Variants in HHAT observed in about 807,000 individuals in gnomAD.
HHAT encodes hedgehog acyltransferase, also known as protein-cysteine N-palmitoyltransferase HHAT.
Under a neutral mutation model 70.8 loss-of-function variants are expected in HHAT, and 47 were observed. That is an observed-to-expected ratio of 0.66 (90% CI 0.53 to 0.85). HHAT has a LOEUF of 0.85. Among genes scored for constraint, HHAT ranks in the 40% least tolerant of loss-of-function variants. The pLI is 0.00. For synonymous variants in HHAT, 228 were observed against 247.6 expected, an observed-to-expected ratio of 0.92 and a Z score of 0.74; for missense variants, 609 against 604.8, an observed-to-expected ratio of 1.01 and a Z score of -0.07.
intron 8 of HHAT, among the ~76,000 whole-genome samples, chr1:210,506,193 C>T (rs932823586): frequency 6.6e-6 from 1 of 152,150 alleles, no homozygotes; most frequent in Non-Finnish European, 1.5e-5. Flanking sequence ...ATGAGTACAG[C>T]AGTCATAATC....
chr1:210,566,523 G>A (rs976064302), intron 9 of HHAT, among the ~76,000 whole-genome samples: 1 of 152,028 alleles, frequency 6.6e-6, no homozygotes, highest in Non-Finnish European at 1.5e-5. Flanking sequence ...CAAACCCCAG[G>A]CTCCAGAAGC....
At chr1:210,368,433 A>G (rs2089228582) in intron 3 of HHAT, among the ~76,000 whole-genome samples, 1 of 152,116 alleles carries the variant, frequency 6.6e-6, no homozygotes, top group Non-Finnish European at 1.5e-5. Context: ...CTGGGGTTGC[A>G]GGCGTGTGCC....
chr1:210,433,349 G>A (rs536565646), intron 7 of HHAT, among the ~76,000 whole-genome samples: 2 of 151,904 alleles, frequency 1.3e-5, no homozygotes, highest in Non-Finnish European at 2.9e-5. Context: ...TGAGCAGCCA[G>A]ATATCCAGAT....
chr1:210,469,471 A>G (rs1479031400), intron 8 of HHAT, among the ~76,000 whole-genome samples: 2 of 152,184 alleles, frequency 1.3e-5, no homozygotes, highest in Non-Finnish European at 2.9e-5. Context: ...TTCTTGAGGC[A>G]TTAAAATGGG....
At chr1:210,475,010 C>G (rs2094281614) in intron 8 of HHAT, among the ~76,000 whole-genome samples, 1 of 136,634 alleles carries the variant, frequency 7.3e-6, no homozygotes, top group African/African-American at 2.9e-5. Flanking sequence ...GCCACCACAA[C>G]TAGCTATTTT....
At chr1:210,519,560 C>T (rs1424487250) in intron 9 of HHAT, among the ~76,000 whole-genome samples, 1 of 149,246 alleles carries the variant, frequency 6.7e-6, no homozygotes, top group Non-Finnish European at 1.5e-5. Flanking sequence ...CAGGGTCTCC[C>T]TCTGTCACCC....
In HHAT at chr1:210,601,983, G is replaced by GTGTGTGTA. The variant is rs1221785604; in HGVS notation, c.1245+13887_1245+13888insGTGTATGT. On this transcript the variant is annotated intron_variant, in intron 10 of 11. Coordinates refer to ENST00000261458, the MANE Select transcript of HHAT (RefSeq NM_018194.6). The stretch of plus-strand genomic sequence containing the variant: ...TATGTGTGTGAGAGTGTGTGTGTGT[G>GTGTGTGTA]TGTATGTGTGCACACACGCATGCAA... Among the ~76,000 whole-genome samples the GTGTGTGTA allele has an allele frequency of 1.5e-3, 229 of 151,332 alleles. 4 individuals are homozygous for GTGTGTGTA. The highest frequency in any genetic ancestry group is 0.01 in the Middle Eastern group (3 of 294).
rs749779572 is a variant in HHAT, at chr1:210,675,230, C to T, written c.*851C>T. 3.9e-5 allele frequency: 6 copies of T among 152,168 alleles called. No individual in the cohort carries two copies. Among genetic ancestry groups the T allele is most frequent in the Admixed American group, 3.3e-4 (5 of 15,280 alleles). The allele number at this position is 152,168 out of a possible 1,614,324, so 9.4% of individuals were successfully genotyped here. A position where few individuals can be genotyped will look rare whatever the true frequency, so the allele number is the denominator to read the frequency against. ...CATACAAGTCTCAAAAGTCATCCTCCTACTCAGTGATTCACGTTTAGTGGT... is the reference window on the plus strand; with the variant it reads ...CATACAAGTCTCAAAAGTCATCCTCTTACTCAGTGATTCACGTTTAGTGGT... On this transcript the variant is annotated 3_prime_UTR_variant, in exon 12 of 12. Coordinates refer to ENST00000261458, the MANE Select transcript of HHAT (RefSeq NM_018194.6).
rs10616850 is a variant in HHAT at position 210,346,070 on chromosome 1, GAAAAA to G, written c.-43-2852_-43-2848del. 3.1e-5 allele frequency among the ~76,000 whole-genome samples: 4 copies of G among 129,682 alleles called. No individual in the cohort carries two copies. The East Asian group carries it at 6.7e-4, about 22-fold the overall frequency. The allele number at this position is 129,682 out of a possible 152,430, so 85.1% of individuals were successfully genotyped here. A position where few individuals can be genotyped will look rare whatever the true frequency, so the allele number is the denominator to read the frequency against. On this transcript the variant is annotated intron_variant, in intron 1 of 11. Transcript: ENST00000261458. ...CAGAGCAAGACCCTGTCTCCAGGAA[GAAAAA>G]AAAAAAAAAAGCAGCACCAAAATGA...
intron 11 of HHAT, among the ~76,000 whole-genome samples, chr1:210,639,177 T>C (rs902974013): frequency 6.6e-6 from 1 of 152,164 alleles, no homozygotes; most frequent in African/African-American, 2.4e-5. Flanking sequence ...TCTTCCTTCC[T>C]TCAACCCATT....
chr1:210,349,048 G>A lies in HHAT; in HGVS notation c.73G>A (p.Val25Ile). ...CTTCCACTTCTATTCCTTCTATGAA[G>A]TTTACAAAGTCTCCAGAGGTAAGGC... The part of the protein sequence containing the change: ...LGFHFYSFYE[V>I]YKVSREHEEE... The change falls in exon 2 of 12, where the codon GTT (valine) becomes ATT (isoleucine). Residue 25 changes from valine (V) to isoleucine (I), a missense_variant. Transcript: ENST00000261458. 6.2e-7 allele frequency: 1 copy of A among 1,613,990 alleles called. No homozygotes were observed. The highest frequency in any genetic ancestry group is 1.1e-5 in the South Asian group (1 of 91,072).
At chr1:210,464,727 G>T in intron 8 of HHAT, 72 bp downstream of exon 8, 2 of 1,528,296 alleles carry the variant, frequency 1.3e-6, no homozygotes, top group Non-Finnish European at 1.8e-6. Flanking sequence ...CGGCCTCAAA[G>T]GGTTCGGGCT....
Position 210,597,361 on chromosome 1 carries a change from C to T in HHAT, c.1245+9262C>T, listed in dbSNP as rs140126730. Among the ~76,000 whole-genome samples the T allele has an allele frequency of 8.7e-4, 132 of 152,214 alleles. 1 individual carries two copies. Among genetic ancestry groups the T allele is most frequent in the Non-Finnish European group, 1.4e-3 (92 of 67,988 alleles). ...CACCTATGTTTGCTCAAGGCCCTAG[C>T]GTTCTATAATCAGCAGGTGGCAAAG... On this transcript the variant is annotated intron_variant, in intron 10 of 11. Transcript: ENST00000261458.
intron 1 of HHAT, among the ~76,000 whole-genome samples, chr1:210,340,337 C>T (rs1399294351): frequency 1.4e-5 from 2 of 147,418 alleles, no homozygotes; most frequent in African/African-American, 5.0e-5. Context: ...TGGAGAAAAT[C>T]ATGTAATTTA....
chr1:210,534,920 A>C (rs759173312), intron 9 of HHAT, among the ~76,000 whole-genome samples: 1 of 152,228 alleles, frequency 6.6e-6, no homozygotes, highest in Non-Finnish European at 1.5e-5. Context: ...TCTGGCCTTC[A>C]ACAAGGACCT....
intron 9 of HHAT, among the ~76,000 whole-genome samples, chr1:210,538,439 A>G (rs1005682564): frequency 1.3e-5 from 2 of 152,318 alleles, no homozygotes; most frequent in Non-Finnish European, 1.5e-5. Context: ...TGTGGCATAT[A>G]TGAAATAAGA....
intron 8 of HHAT, among the ~76,000 whole-genome samples, chr1:210,493,236 A>AT (rs2094578576): frequency 6.6e-6 from 1 of 152,100 alleles, no homozygotes. Flanking sequence ...TTGCACTCAC[A>AT]TGTATGTATG....
chr1:210,375,443 T>G (rs1439005225), intron 3 of HHAT, among the ~76,000 whole-genome samples: 1 of 152,204 alleles, frequency 6.6e-6, no homozygotes, highest in Non-Finnish European at 1.5e-5. Flanking sequence ...CACTTTCTTT[T>G]GATTCATGTA....
At chr1:210,360,930 G>A (rs561177386) in intron 2 of HHAT, among the ~76,000 whole-genome samples, 1 of 147,604 alleles carries the variant, frequency 6.8e-6, no homozygotes, top group Non-Finnish European at 1.5e-5. Context: ...CTGTTGGACA[G>A]CACTAGGCAA....
Sources: allele counts gnomAD v4.1 joint callset (sites outside exome capture counted in the v4.1 genomes callset), GRCh38; gene constraint gnomAD v4.1.1; transcripts MANE v1.5; gene names NCBI Gene and HGNC (gene_info 2026-07-23, HGNC 2026-07-21).